FSTL4: variants seen among roughly 807,000 people sequenced by gnomAD.
FSTL4 encodes follistatin-related protein 4.
Under a neutral mutation model 78.2 loss-of-function variants are expected in FSTL4, and 28 were observed. The ratio of observed to expected loss-of-function variants is 0.36; its 90% CI spans 0.27 to 0.49. FSTL4 has a LOEUF of 0.49. FSTL4 is among the 20% of genes least tolerant of loss of function. The pLI is 0.98. For synonymous variants in FSTL4, 422 were observed against 440.5 expected (o/e 0.96, Z 0.53); for missense variants, 922 against 1,084.9 (o/e 0.85, Z 2.11).
chr5:133,659,734 G>A, the FSTL4 span, among the ~76,000 whole-genome samples: 1 of 151,324 alleles, frequency 6.6e-6, no homozygotes, highest in African/African-American at 2.4e-5. Context: ...ATTTTCTTCT[G>A]CTAGCTTAAA....
At chr5:133,705,857 G>A in the FSTL4 span, among the ~76,000 whole-genome samples, 39 of 130,678 alleles carry the variant, frequency 3.0e-4, no homozygotes, top group Non-Finnish European at 5.6e-4. Context: ...ACACACGCGC[G>A]CACACACACA....
intron 3 of FSTL4, among the ~76,000 whole-genome samples, chr5:133,548,447 A>G (rs942003881): frequency 6.6e-6 from 1 of 152,218 alleles, no homozygotes; most frequent in Admixed American, 6.5e-5. Context: ...GCTTTGTCCT[A>G]TGGGTAAGAA....
At chr5:133,467,085 A>T (rs1674079886) in intron 3 of FSTL4, among the ~76,000 whole-genome samples, 1 of 150,760 alleles carries the variant, frequency 6.6e-6, no homozygotes, top group Non-Finnish European at 1.5e-5. Flanking sequence ...TGTATGTGTG[A>T]GTGTAAGAGT....
intron 2 of FSTL4, 144 bp downstream of exon 2, chr5:133,603,714 T>C: frequency 2.1e-6 from 2 of 936,772 alleles, no homozygotes; most frequent in Non-Finnish European, 3.4e-6. Context: ...GGTTGCCTTC[T>C]TCTGTCCCCA....
At chr5:133,477,458 T>TCA (rs1455683403) in intron 3 of FSTL4, among the ~76,000 whole-genome samples, 8 of 152,254 alleles carry the variant, frequency 5.3e-5, no homozygotes, top group African/African-American at 1.9e-4. Flanking sequence ...TTCATACAAC[T>TCA]CATTTAATCC....
the FSTL4 span, among the ~76,000 whole-genome samples, chr5:133,756,335 T>C: frequency 1.3e-5 from 2 of 151,724 alleles, no homozygotes; most frequent in African/African-American, 4.8e-5. Flanking sequence ...GCAGGTCCAG[T>C]TCACATGGAG....
intron 2 of FSTL4, among the ~76,000 whole-genome samples, chr5:133,570,430 C>A (rs1269617165): frequency 6.6e-6 from 1 of 152,066 alleles, no homozygotes; most frequent in East Asian, 1.9e-4. Flanking sequence ...TCAAGTGATT[C>A]TCCTGCCTTA....
At chr5:133,792,228 C>T in the FSTL4 span, among the ~76,000 whole-genome samples, 2 of 152,106 alleles carry the variant, frequency 1.3e-5, no homozygotes, top group Admixed American at 6.5e-5. Context: ...TGCCCTCAGG[C>T]CCCACCCCAG....
chr5:133,300,421 G>A (rs1457072249), intron 6 of FSTL4, among the ~76,000 whole-genome samples: 1 of 152,156 alleles, frequency 6.6e-6, no homozygotes, highest in East Asian at 1.9e-4. Flanking sequence ...TGTTCTGTCT[G>A]AGCCAACCAG....
At chr5:133,726,115 G>C in the FSTL4 span, among the ~76,000 whole-genome samples, 2 of 152,278 alleles carry the variant, frequency 1.3e-5, no homozygotes, top group Middle Eastern at 3.4e-3. Flanking sequence ...ATGGCTGATA[G>C]CATCTCCTCC....
intron 3 of FSTL4, among the ~76,000 whole-genome samples, chr5:133,564,038 C>T (rs1335785615): frequency 1.3e-5 from 2 of 152,172 alleles, no homozygotes; most frequent in African/African-American, 4.8e-5. Flanking sequence ...GCTATGCTCT[C>T]TCTGAAGGTT....
chr5:133,638,137 C>T, the FSTL4 span, among the ~76,000 whole-genome samples: 3 of 152,016 alleles, frequency 2.0e-5, no homozygotes, highest in Non-Finnish European at 4.4e-5. Flanking sequence ...TCTCACATCC[C>T]AATCCAATTT....
chr5:133,305,958 C>T (rs189066423), intron 6 of FSTL4, among the ~76,000 whole-genome samples: 253 of 152,296 alleles, frequency 1.7e-3, no homozygotes, highest in African/African-American at 5.6e-3. Flanking sequence ...CCTCAGCCTA[C>T]GGTAGCTTCA....
At chr5:133,592,494 T>C (rs1760653764) in intron 2 of FSTL4, among the ~76,000 whole-genome samples, 1 of 152,218 alleles carries the variant, frequency 6.6e-6, no homozygotes, top group Non-Finnish European at 1.5e-5. Context: ...AGCATGGTCA[T>C]AAAAGTGTTT....
rs199509409 is a variant in FSTL4, at chr5:133,249,519, A to G, written c.785T>C (p.Val262Ala). Reference protein sequence around the residue: ...EDRVSVTTVTVGLSTVLTCAV... With the variant: ...EDRVSVTTVTAGLSTVLTCAV... ...GCAGGTCAGCACTGTGCTCAGCCCC[A>G]CGGTCACTGTGGTCACACTGACCCT... The change falls in exon 7 of 16, where the codon GTG becomes GCG. Residue 262 changes from valine to alanine, a missense_variant. Coordinates refer to ENST00000265342, the MANE Select transcript of FSTL4 (RefSeq NM_015082.2). 3 of 1,613,640 alleles carry G rather than the reference A, an allele frequency of 1.9e-6. No individual in the cohort carries two copies. The highest frequency in any genetic ancestry group is 2.7e-5 in the African/African-American group (2 of 75,036).
At chr5:133,355,604 C>T (rs771236225) in intron 4 of FSTL4, among the ~76,000 whole-genome samples, 2 of 152,054 alleles carry the variant, frequency 1.3e-5, no homozygotes, top group African/African-American at 4.8e-5. Context: ...TGTGGTGAGT[C>T]GAGATCGTGC....
chr5:133,467,489 T>C (rs1405013275), intron 3 of FSTL4, among the ~76,000 whole-genome samples: 4 of 152,070 alleles, frequency 2.6e-5, no homozygotes, highest in Non-Finnish European at 4.4e-5. Context: ...TATGATCTGA[T>C]TGTGTTACTT....
intron 3 of FSTL4, among the ~76,000 whole-genome samples, chr5:133,527,345 T>C (rs2112904635): frequency 6.6e-6 from 1 of 152,280 alleles, no homozygotes; most frequent in Non-Finnish European, 1.5e-5. Context: ...GACATGCTAC[T>C]TTCACTAGAA....
chr5:133,660,989 T>G, the FSTL4 span, among the ~76,000 whole-genome samples: 2 of 152,178 alleles, frequency 1.3e-5, no homozygotes, highest in Admixed American at 1.3e-4. Flanking sequence ...AACTTTATTT[T>G]TTTTTACTTT....
Sources: allele counts gnomAD v4.1 joint callset (sites outside exome capture counted in the v4.1 genomes callset), GRCh38; gene constraint gnomAD v4.1.1; transcripts MANE v1.5; gene names NCBI Gene and HGNC (gene_info 2026-07-23, HGNC 2026-07-21).